The following HDAC9 variants were observed in gnomAD, a reference collection of about 807,000 sequenced individuals.
HDAC9 encodes MEF-2 interacting transcription repressor (MITR) protein.
In HDAC9, 41 loss-of-function variants were observed where a neutral mutation model predicts 139.4. The observed-to-expected ratio is 0.29, with a 90% confidence interval of 0.23 to 0.38. HDAC9 has a LOEUF of 0.38. HDAC9 is among the 10% of genes least tolerant of loss of function. The pLI is 1.00. For missense variants in HDAC9, 1,147 were observed against 1,297.0 expected (o/e 0.88, Z 1.78); for synonymous variants, 517 against 476.2 (o/e 1.09, Z -1.12).
rs76313405 is a variant in HDAC9, at chr7:18,825,544, G to T, written c.2323-3617G>T. The stretch of plus-strand genomic sequence containing the variant: ...GTAAGAGCTTCTTTAGTGGACTAAT[G>T]AGGTTGGAGGAGAAATTAGAGGTTG... On this transcript the variant is annotated intron_variant, in intron 17 of 25. Coordinates refer to ENST00000686413, the MANE Select transcript of HDAC9 (RefSeq NM_178425.4). Among the ~76,000 whole-genome samples, 1,377 of 152,110 alleles carry T rather than the reference G, an allele frequency of 9.1e-3. 22 individuals are homozygous for T. Among genetic ancestry groups the T allele is most frequent in the African/African-American group, 0.03 (1,259 of 41,512 alleles).
At chr7:18,421,507 A>G (rs1267064630) in intron 1 of HDAC9, among the ~76,000 whole-genome samples, 2 of 152,138 alleles carry the variant, frequency 1.3e-5, no homozygotes, top group Non-Finnish European at 2.9e-5. Context: ...GAAAAGGAAG[A>G]AAAGAAAGAA....
intron 25 of HDAC9, among the ~76,000 whole-genome samples, chr7:18,991,511 C>A (rs991243017): frequency 1.3e-5 from 2 of 152,132 alleles, no homozygotes; most frequent in Non-Finnish European, 2.9e-5. Flanking sequence ...GTGGCAGGCA[C>A]CTGTAGTCCC....
chr7:18,729,513 T>G (rs1029962800), intron 13 of HDAC9, among the ~76,000 whole-genome samples: 1 of 152,074 alleles, frequency 6.6e-6, no homozygotes, highest in Non-Finnish European at 1.5e-5. Context: ...ATCTGAATAT[T>G]AGAGAGAACC....
At chr7:18,856,372 CA>C (rs1797681106) in intron 21 of HDAC9, among the ~76,000 whole-genome samples, 1 of 152,022 alleles carries the variant, frequency 6.6e-6, no homozygotes, top group Non-Finnish European at 1.5e-5. Flanking sequence ...CCCTAAAAAT[CA>C]AAATCTATTT....
Position 18,340,400 on chromosome 7 carries a change from T to C in HDAC9, c.-42+49885T>C, listed in dbSNP as rs1781914656. Among the ~76,000 whole-genome samples the C allele has an allele frequency of 2.0e-5, 3 of 151,530 alleles. No individual in the cohort carries two copies. The Admixed American group carries it at 2.0e-4, about 10-fold the overall frequency. On this transcript the variant is annotated intron_variant, in intron 1 of 3. Coordinates refer to the HDAC9 transcript ENST00000413509. Reference sequence around the variant, plus strand: ...ATGGTTAGGTTTAAATCTACTATTTTGCTACTCATTTCCTACTTGTTCTGT... The same window carrying C: ...ATGGTTAGGTTTAAATCTACTATTTCGCTACTCATTTCCTACTTGTTCTGT...
chr7:18,095,909 A>G (rs1435078237), intron 1 of HDAC9, among the ~76,000 whole-genome samples: 1 of 152,156 alleles, frequency 6.6e-6, no homozygotes, highest in Non-Finnish European at 1.5e-5. Context: ...TTTTATATCA[A>G]TATAGATACA....
At chr7:18,119,044 A>G (rs1784199810) in intron 1 of HDAC9, among the ~76,000 whole-genome samples, 1 of 152,118 alleles carries the variant, frequency 6.6e-6, no homozygotes, top group Non-Finnish European at 1.5e-5. Context: ...AATTTCCTTA[A>G]TTACCATAAT....
chr7:18,370,846 T>C (rs370484012), intron 1 of HDAC9, among the ~76,000 whole-genome samples: 2 of 152,290 alleles, frequency 1.3e-5, no homozygotes, highest in East Asian at 3.9e-4. Context: ...ATGGATGGAC[T>C]TGTTGAAATA....
chr7:18,533,965 CTTTAT>C (rs1310687778), intron 2 of HDAC9, among the ~76,000 whole-genome samples: 2 of 152,006 alleles, frequency 1.3e-5, no homozygotes, highest in Non-Finnish European at 2.9e-5. Flanking sequence ...GTGCACCGTT[CTTTAT>C]TTTAATGTAG....
intron 14 of HDAC9, among the ~76,000 whole-genome samples, chr7:18,750,507 A>G (rs1237757885): frequency 2.0e-5 from 3 of 152,152 alleles, no homozygotes; most frequent in East Asian, 1.9e-4. Context: ...TGTATCCTTT[A>G]CCTAGAAACC....
chr7:18,616,405 T>C (rs1838621369), intron 6 of HDAC9, among the ~76,000 whole-genome samples: 1 of 152,166 alleles, frequency 6.6e-6, no homozygotes, highest in East Asian at 1.9e-4. Context: ...CGGGCAGTCA[T>C]CCAGAGAAAG....
chr7:18,164,527 A>T (rs1359365695), intron 2 of HDAC9, among the ~76,000 whole-genome samples: 1 of 152,234 alleles, frequency 6.6e-6, no homozygotes, highest in African/African-American at 2.4e-5. Flanking sequence ...AAAGAAAAAT[A>T]GACTCACTTC....
At position 18,860,787 on chromosome 7, in the gene HDAC9, A is replaced by G. The variant is rs182492792; in HGVS notation, c.2685-13691A>G. On this transcript the variant is annotated intron_variant, in intron 21 of 25. Transcript: ENST00000686413. ...GACCTCCTTGTCAGCACCCACTGGA[A>G]CTATAAGGAAGGGTGTATTTTATTG... Among the ~76,000 whole-genome samples the G allele has an allele frequency of 2.4e-4, 36 of 152,296 alleles. 1 individual carries two copies. The East Asian group carries it at 6.6e-3, about 28-fold the overall frequency.
chr7:18,829,098 A>G, intron 17 of HDAC9, 63 bp from the exon 18 acceptor site: 2 of 1,152,984 alleles, frequency 1.7e-6, no homozygotes, highest in Non-Finnish European at 2.6e-6. Flanking sequence ...TGGAGATCCA[A>G]GCAATCCCTC....
intron 1 of HDAC9, among the ~76,000 whole-genome samples, chr7:18,432,774 C>T (rs138080809): frequency 0.031 from 4,738 of 152,062 alleles, 88 homozygotes; most frequent in African/African-American, 0.056. Flanking sequence ...GGTGAAACCC[C>T]GTCTCTACTA....
At chr7:18,980,764 T>TC (rs1563103358) in intron 25 of HDAC9, among the ~76,000 whole-genome samples, 87 of 150,034 alleles carry the variant, frequency 5.8e-4, no homozygotes, top group African/African-American at 2.0e-3. Flanking sequence ...TCTTCCTTCT[T>TC]CTTCTTCTTC....
At position 18,472,968 on chromosome 7, in the gene HDAC9, C is replaced by T. The variant is rs187033455; in HGVS notation, c.-41-23294C>T. On this transcript the variant is annotated intron_variant, in intron 1 of 3. Coordinates refer to the HDAC9 transcript ENST00000413509. ...GGCCACTTAGCAATTTCTAAATCAC[C>T]TTTGATATACAACAATCCATATGCA... 6.6e-3 allele frequency among the ~76,000 whole-genome samples: 1,005 copies of T among 152,268 alleles called. 6 individuals carry two copies. Among genetic ancestry groups the T allele is most frequent in the Middle Eastern group, 0.024 (7 of 294 alleles).
chr7:18,852,856 T>TC (rs1160705501), intron 21 of HDAC9, among the ~76,000 whole-genome samples: 29 of 152,220 alleles, frequency 1.9e-4, no homozygotes, highest in African/African-American at 6.7e-4. Context: ...CTTTTTTTTT[T>TC]TCCCTCTCTT....
chr7:18,148,646 G>A (rs906740427), intron 1 of HDAC9, among the ~76,000 whole-genome samples: 1 of 152,034 alleles, frequency 6.6e-6, no homozygotes, highest in Non-Finnish European at 1.5e-5. Flanking sequence ...TTTTAGTAGA[G>A]ATGGGATTTC....
Sources: gnomAD v4.1 joint callset for allele counts (sites outside exome capture counted in the v4.1 genomes callset) on GRCh38, gnomAD v4.1.1 for gene constraint, MANE v1.5 for transcripts, NCBI Gene and HGNC (gene_info 2026-07-23, HGNC 2026-07-21) for gene names.